The following PRKG1 variants were observed in gnomAD, a reference collection of about 807,000 sequenced individuals.
PRKG1 encodes cGMP-dependent protein kinase 1.
In PRKG1, 35 loss-of-function variants were observed where a neutral mutation model predicts 88.1. The observed-to-expected ratio is 0.40, with a 90% CI of 0.30 to 0.53. The LOEUF (loss-of-function observed/expected upper bound fraction) is 0.53, where lower values mean the gene tolerates loss of function less well. Ranked by LOEUF, PRKG1 falls within the 20% of genes least tolerant of loss-of-function variation. The pLI, the probability that PRKG1 is intolerant of heterozygous loss-of-function variation, is 0.59. For missense variants in PRKG1, 540 were observed against 839.8 expected (o/e 0.64, Z 4.41); for synonymous variants, 303 against 292.5 (o/e 1.04, Z -0.37).
chr10:52,044,707 G>C (rs1410157364), intron 5 of PRKG1, among the ~76,000 whole-genome samples: 1 of 152,058 alleles, frequency 6.6e-6, no homozygotes, highest in African/African-American at 2.4e-5. Context: ...GATGTTTTCT[G>C]TTCTATTCCA....
chr10:52,003,266 C>T (rs889572232), intron 5 of PRKG1, among the ~76,000 whole-genome samples: 3 of 152,184 alleles, frequency 2.0e-5, no homozygotes, highest in Non-Finnish European at 4.4e-5. Context: ...AATTATAACA[C>T]ATTTACAGTT....
At chr10:51,068,448 T>A (rs949869725) in intron 1 of PRKG1, 1 of 152,058 alleles carries the variant, frequency 6.6e-6, no homozygotes, top group African/African-American at 2.4e-5. Context: ...CAAATTTCTA[T>A]TTCATTGTCC....
At chr10:51,058,394 G>A (rs1479612218) in intron 1 of PRKG1, among the ~76,000 whole-genome samples, 1 of 151,926 alleles carries the variant, frequency 6.6e-6, no homozygotes, top group African/African-American at 2.4e-5. Context: ...TAAATTTTTA[G>A]GTTTTAGCCT....
At chr10:51,075,065 C>T (rs12265209) in intron 1 of PRKG1, among the ~76,000 whole-genome samples, 164 bp downstream of exon 1, 1 of 152,216 alleles carries the variant, frequency 6.6e-6, no homozygotes, top group African/African-American at 2.4e-5. Context: ...GTGCACGTTT[C>T]TCAGAGCCAG....
At chr10:52,183,946 A>G (rs531508147) in intron 9 of PRKG1, among the ~76,000 whole-genome samples, 1 of 152,178 alleles carries the variant, frequency 6.6e-6, no homozygotes, top group Non-Finnish European at 1.5e-5. Flanking sequence ...TACAGGGGGA[A>G]GTCCCTCCTG....
intron 2 of PRKG1, among the ~76,000 whole-genome samples, chr10:51,243,091 G>A (rs1245906707): frequency 6.6e-6 from 1 of 152,092 alleles, no homozygotes; most frequent in East Asian, 1.9e-4. Context: ...CCCTTAATTA[G>A]TAGATATCAG....
intron 4 of PRKG1, among the ~76,000 whole-genome samples, chr10:51,907,031 A>C (rs1033604558): frequency 6.6e-6 from 1 of 152,192 alleles, no homozygotes; most frequent in Non-Finnish European, 1.5e-5. Context: ...TGTTAATTCT[A>C]GTAAGTTGTG....
chr10:51,867,863 AC>A (rs1841054413), intron 4 of PRKG1, among the ~76,000 whole-genome samples: 1 of 152,242 alleles, frequency 6.6e-6, no homozygotes, highest in Non-Finnish European at 1.5e-5. Flanking sequence ...TGAGAGGGTA[AC>A]AAAAAGTTAA....
intron 8 of PRKG1, among the ~76,000 whole-genome samples, chr10:52,135,150 GA>G (rs1239559977): frequency 6.6e-5 from 10 of 152,072 alleles, no homozygotes; most frequent in Admixed American, 2.6e-4. Context: ...AGGGAATTCA[GA>G]AAAGAGAGTG....
intron 1 of PRKG1, among the ~76,000 whole-genome samples, chr10:51,107,978 T>A (rs1438617901): frequency 6.6e-6 from 1 of 152,114 alleles, no homozygotes; most frequent in African/African-American, 2.4e-5. Context: ...TTTATGCCAA[T>A]ACATTTTACA....
intron 17 of PRKG1, among the ~76,000 whole-genome samples, chr10:52,293,159 C>T (rs1358376777): frequency 6.7e-6 from 1 of 150,146 alleles, no homozygotes; most frequent in African/African-American, 2.5e-5. Context: ...CTCCCATTCA[C>T]AATTGCTTCA....
At chr10:52,284,824 T>C (rs1243680547) in intron 14 of PRKG1, among the ~76,000 whole-genome samples, 1 of 152,028 alleles carries the variant, frequency 6.6e-6, no homozygotes, top group Non-Finnish European at 1.5e-5. Context: ...TTAAGGCTTA[T>C]AATGTTGGTC....
chr10:51,576,284 A>G lies in PRKG1; in HGVS notation c.592+108448A>G, dbSNP rs193134316. On this transcript the variant is annotated intron_variant, in intron 3 of 17. Coordinates refer to ENST00000373980, the MANE Select transcript of PRKG1 (RefSeq NM_006258.4). ...AACAGTTATGTGTATGAATATGTGT[A>G]TGCCCATACATGTATAGTGACATAA... 1.5e-3 allele frequency among the ~76,000 whole-genome samples: 225 copies of G among 152,084 alleles called. 1 individual carries two copies. Among genetic ancestry groups the G allele is most frequent in the Non-Finnish European group, 2.4e-3 (161 of 67,902 alleles).
At chr10:52,223,276 A>C (rs1185002220) in intron 9 of PRKG1, among the ~76,000 whole-genome samples, 1 of 152,054 alleles carries the variant, frequency 6.6e-6, no homozygotes, top group Non-Finnish European at 1.5e-5. Context: ...CTGCTCTACC[A>C]AGGTCACTAG....
intron 7 of PRKG1, among the ~76,000 whole-genome samples, chr10:52,107,198 A>G (rs146056213): frequency 0.01 from 1,529 of 152,328 alleles, 22 homozygotes; most frequent in African/African-American, 0.031. Context: ...AATGACCAGA[A>G]CAAGATGTTA....
chr10:51,150,238 T>C (rs1564618573), intron 1 of PRKG1, among the ~76,000 whole-genome samples: 1 of 152,084 alleles, frequency 6.6e-6, no homozygotes, highest in African/African-American at 2.4e-5. Flanking sequence ...CCAACTCCCA[T>C]ACTAATAACA....
Position 52,095,938 on chromosome 10 carries a change from G to C in PRKG1, c.935+33307G>C, listed in dbSNP as rs139079591. Among the ~76,000 whole-genome samples the C allele has an allele frequency of 3.6e-3, 555 of 152,302 alleles. 2 individuals carry two copies. The highest frequency in any genetic ancestry group is 0.013 in the African/African-American group (539 of 41,566). ...AGGTGCTGTGGGACCATAGCTGTGA[G>C]TGGTTGAAGTAGTCAGAGAGTGATT... On this transcript the variant is annotated intron_variant, in intron 7 of 17. Transcript: ENST00000373980.
At chr10:51,596,819 C>A (rs936613114) in intron 3 of PRKG1, among the ~76,000 whole-genome samples, 2 of 152,118 alleles carry the variant, frequency 1.3e-5, no homozygotes, top group Non-Finnish European at 2.9e-5. Flanking sequence ...TTCTCAAATG[C>A]CCTTCTCTGG....
intron 6 of PRKG1, among the ~76,000 whole-genome samples, chr10:52,058,417 A>G (rs1423513709): frequency 7.2e-5 from 11 of 152,074 alleles, no homozygotes; most frequent in Admixed American, 7.2e-4. Flanking sequence ...TGTGACAAGT[A>G]TAACATCCAT....
Sources: gnomAD v4.1 joint callset for allele counts (sites outside exome capture counted in the v4.1 genomes callset) on GRCh38, gnomAD v4.1.1 for gene constraint, MANE v1.5 for transcripts, NCBI Gene and HGNC (gene_info 2026-07-23, HGNC 2026-07-21) for gene names.